The following EDA variants were observed in gnomAD, a reference collection of about 807,000 sequenced individuals.
EDA encodes ectodysplasin A.
In EDA, 2 loss-of-function variants were observed where a neutral mutation model predicts 23.6. The observed-to-expected ratio is 0.08, with a 90% CI of 0.03 to 0.27. EDA has a LOEUF of 0.27. EDA is among the 10% of genes least tolerant of loss of function. EDA has a pLI of 1.00. For missense variants in EDA, 229 were observed against 324.2 expected (o/e 0.71, Z 2.26); for synonymous variants, 131 against 132.0 (o/e 0.99, Z 0.05).
At chrX:69,878,705 C>T (rs1389715262) in intron 1 of EDA, among the ~76,000 whole-genome samples, 1 of 94,782 alleles carries the variant, frequency 1.1e-5, no homozygotes, top group African/African-American at 4.2e-5. Context: ...CAGCCCCTCA[C>T]CTTCACCAAG....
chrX:69,775,706 A>G (rs1569326707), intron 1 of EDA, among the ~76,000 whole-genome samples: 4 of 112,043 alleles, frequency 3.6e-5, no homozygotes, highest in Admixed American at 1.9e-4. Context: ...AAAGTTATAA[A>G]ATTTAAATGA....
At chrX:69,828,291 C>G (rs2016512465) in intron 1 of EDA, among the ~76,000 whole-genome samples, 1 of 112,230 alleles carries the variant, frequency 8.9e-6, no homozygotes, top group African/African-American at 3.2e-5. Context: ...GGGCGCCCCT[C>G]TCCCAGCCTC....
chrX:69,690,091 C>G (rs1348636193), intron 1 of EDA, among the ~76,000 whole-genome samples: 2 of 110,730 alleles, frequency 1.8e-5, no homozygotes, highest in Non-Finnish European at 3.8e-5. Flanking sequence ...AGACTTTGCT[C>G]TATATAATAT....
chrX:69,628,688 C>T (rs1420734786), intron 1 of EDA, among the ~76,000 whole-genome samples: 1 of 111,558 alleles, frequency 9.0e-6, no homozygotes, highest in Non-Finnish European at 1.9e-5. Context: ...CTCTCAATCA[C>T]TTATGCATAA....
chrX:69,968,885 T>C (rs1379059110), intron 2 of EDA, among the ~76,000 whole-genome samples: 1 of 112,267 alleles, frequency 8.9e-6, no homozygotes, highest in African/African-American at 3.2e-5. Context: ...TGTTCACAAA[T>C]GTAGAGAGAG....
chrX:69,942,033 C>T (rs2018765791), intron 1 of EDA, among the ~76,000 whole-genome samples: 1 of 111,666 alleles, frequency 9.0e-6, no homozygotes, highest in Admixed American at 9.6e-5. Context: ...ACAATGATTA[C>T]ATATACAAAC....
At chrX:69,857,140 A>G (rs2017275571) in intron 1 of EDA, among the ~76,000 whole-genome samples, 1 of 111,208 alleles carries the variant, frequency 9.0e-6, no homozygotes, top group East Asian at 2.8e-4. Context: ...TCATTTCCCT[A>G]CTCTATGTTT....
At chrX:69,656,526 G>A (rs1046573274) in intron 1 of EDA, among the ~76,000 whole-genome samples, 1 of 111,552 alleles carries the variant, frequency 9.0e-6, no homozygotes, top group African/African-American at 3.3e-5. Context: ...TTTAGATTCA[G>A]GGGGGACATG....
At chrX:70,011,820 C>T (rs1359090864) in intron 2 of EDA, among the ~76,000 whole-genome samples, 3 of 111,604 alleles carry the variant, frequency 2.7e-5, no homozygotes, top group Non-Finnish European at 5.6e-5. Context: ...AAAATTCTAG[C>T]TTGCTATTTT....
intron 1 of EDA, among the ~76,000 whole-genome samples, chrX:69,779,681 C>T (rs906288704): frequency 1.8e-5 from 2 of 111,503 alleles, no homozygotes; most frequent in South Asian, 3.7e-4. Context: ...CTAAACGCTA[C>T]TGAATTGTAT....
intron 2 of EDA, among the ~76,000 whole-genome samples, chrX:69,965,777 T>C (rs990067115): frequency 8.9e-6 from 1 of 112,635 alleles, no homozygotes; most frequent in African/African-American, 3.2e-5. Context: ...CTGGACACGG[T>C]GGCTTACGCC....
At chrX:69,992,043 C>T (rs775580347) in intron 2 of EDA, among the ~76,000 whole-genome samples, 11 of 112,278 alleles carry the variant, frequency 9.8e-5, no homozygotes, top group Non-Finnish European at 2.1e-4. Flanking sequence ...AAGGGTTTCC[C>T]TGCTAAGTCC....
At chrX:69,758,103 T>G (rs1207515935) in intron 1 of EDA, among the ~76,000 whole-genome samples, 1 of 112,442 alleles carries the variant, frequency 8.9e-6, no homozygotes, top group Admixed American at 9.4e-5. Context: ...AAATATTTCA[T>G]GTTTATATTC....
At chrX:69,679,195 T>C (rs1934231676) in intron 1 of EDA, among the ~76,000 whole-genome samples, 1 of 108,400 alleles carries the variant, frequency 9.2e-6, no homozygotes, top group Admixed American at 9.9e-5. Flanking sequence ...GTGGATAAGC[T>C]TTTTGATGTG....
chrX:69,711,205 G>T (rs1229390704), intron 1 of EDA, among the ~76,000 whole-genome samples: 7 of 111,285 alleles, frequency 6.3e-5, no homozygotes, highest in Non-Finnish European at 1.3e-4. Flanking sequence ...AGCATGAAGG[G>T]TTGTTGAATT....
chrX:70,022,334 T>TTTTATTTTA (rs1556090994), intron 2 of EDA, among the ~76,000 whole-genome samples: 9 of 109,844 alleles, frequency 8.2e-5, no homozygotes, highest in African/African-American at 3.0e-4. Context: ...TTTTATTTTA[T>TTTTATTTTA]TTTATTTATT....
chrX:69,901,009 AATATT>A (rs948972098), intron 1 of EDA, among the ~76,000 whole-genome samples: 2 of 111,370 alleles, frequency 1.8e-5, no homozygotes, highest in African/African-American at 6.5e-5. Context: ...AATTTTTTCC[AATATT>A]ATATTAGAAG....
intron 1 of EDA, among the ~76,000 whole-genome samples, chrX:69,849,238 G>A (rs929459912): frequency 9.0e-6 from 1 of 110,782 alleles, no homozygotes; most frequent in Non-Finnish European, 1.9e-5. Flanking sequence ...GAACAATGAT[G>A]ATGTAAAGCT....
At chrX:69,867,162 G>A (rs1477983549) in intron 1 of EDA, among the ~76,000 whole-genome samples, 1 of 111,902 alleles carries the variant, frequency 8.9e-6, no homozygotes, top group Non-Finnish European at 1.9e-5. Flanking sequence ...CAGCCTTGGT[G>A]GATGGAAGTC....
Sources: allele counts gnomAD v4.1 joint callset (sites outside exome capture counted in the v4.1 genomes callset), GRCh38; gene constraint gnomAD v4.1.1; transcripts MANE v1.5; gene names NCBI Gene and HGNC (gene_info 2026-07-23, HGNC 2026-07-21).